The following RASA2 variants were observed in gnomAD, a reference collection of about 807,000 sequenced individuals.
The protein encoded by RASA2 is ras GTPase-activating protein 2.
RASA2 carries 155 observed loss-of-function variants against 118.2 expected under a neutral mutation model. The observed-to-expected ratio is 1.31, with a 90% CI of 1.15 to 1.50. The LOEUF is 1.50. Ranked by LOEUF, RASA2 falls within the 40% of genes most tolerant of loss-of-function variation. The pLI is 0.00. For synonymous variants in RASA2, 353 were observed against 349.1 expected (o/e 1.01, Z -0.12); for missense variants, 1,016 against 1,009.6 (o/e 1.01, Z -0.09).
chr3:141,517,018 C>T (rs1377156893), intron 3 of RASA2, among the ~76,000 whole-genome samples: 5 of 151,800 alleles, frequency 3.3e-5, no homozygotes, highest in Non-Finnish European at 5.9e-5. Flanking sequence ...AATCCACCTG[C>T]CTCGGCCTCC....
At chr3:141,493,973 G>C (rs1263878475) in intron 1 of RASA2, among the ~76,000 whole-genome samples, 1 of 152,124 alleles carries the variant, frequency 6.6e-6, no homozygotes, top group Non-Finnish European at 1.5e-5. Context: ...ATAGCTTGAA[G>C]ATTTTTTCAC....
rs990898661 is a variant in RASA2 at position 141,601,909 on chromosome 3, A to G, written c.1934-5769A>G. Among the ~76,000 whole-genome samples the G allele has an allele frequency of 1.1e-4, 16 of 152,202 alleles. No homozygotes were observed. In the East Asian group the frequency reaches 2.5e-3, roughly 24 times the overall value. On this transcript the variant is annotated intron_variant, in intron 19 of 23. Coordinates refer to ENST00000286364, the MANE Select transcript of RASA2 (RefSeq NM_006506.5). ...AGATCATTTTTACTTAAGTTCACTG[A>G]TTTAGCTCATGTGAATTTTTCATTC...
chr3:141,545,730 G>A (rs1037395416), intron 5 of RASA2, among the ~76,000 whole-genome samples: 2 of 152,012 alleles, frequency 1.3e-5, no homozygotes, highest in African/African-American at 4.8e-5. Context: ...ACAGGCATGA[G>A]CCACCAAGCC....
rs1560011231 is a variant in RASA2 at position 141,529,697 on chromosome 3, A to G, written c.356-11A>G. 1 of 1,589,326 alleles carries G rather than the reference A, an allele frequency of 6.3e-7. No individual in the cohort carries two copies. Among genetic ancestry groups the G allele is most frequent in the Non-Finnish European group, 8.6e-7 (1 of 1,158,832 alleles). The stretch of plus-strand genomic sequence containing the variant: ...CATGTTTTCTTATATTGTTTTACTT[A>G]TTTTCTGTAGGAAAAGTAGCCATCA... On this transcript the variant is annotated splice_polypyrimidine_tract_variant and intron_variant, in intron 3 of 23. Coordinates refer to ENST00000286364, the MANE Select transcript of RASA2 (RefSeq NM_006506.5).
chr3:141,549,752 C>T (rs1033995289), intron 5 of RASA2, among the ~76,000 whole-genome samples: 1 of 152,070 alleles, frequency 6.6e-6, no homozygotes, highest in Non-Finnish European at 1.5e-5. Context: ...ACCTGGACTC[C>T]TTTTTAGCAG....
intron 3 of RASA2, among the ~76,000 whole-genome samples, chr3:141,517,414 G>A (rs1434845256): frequency 1.3e-5 from 2 of 152,144 alleles, no homozygotes; most frequent in African/African-American, 2.4e-5. Flanking sequence ...TGAGTGAAAG[G>A]CAAAGGGGAA....
intron 15 of RASA2, chr3:141,579,363 A>G (rs2083064092): frequency 6.6e-6 from 1 of 152,220 alleles, no homozygotes; most frequent in Admixed American, 6.5e-5. Context: ...TTTTTAAAAA[A>G]ATGAAGGAGC....
At chr3:141,529,834 T>G (rs2082235648) in intron 4 of RASA2, 32 bp downstream of exon 4, 2 of 1,485,084 alleles carry the variant, frequency 1.3e-6, no homozygotes, top group Non-Finnish European at 1.9e-6. Flanking sequence ...ATACAAGAGA[T>G]TGTCACAGGA....
intron 19 of RASA2, among the ~76,000 whole-genome samples, chr3:141,607,213 T>C (rs1036941271): frequency 6.6e-6 from 1 of 152,160 alleles, no homozygotes; most frequent in African/African-American, 2.4e-5. Flanking sequence ...AGAAATATTA[T>C]TTTGAGGGTT....
rs1178759456 is a variant in RASA2 at position 141,614,695 on chromosome 3, G to T, written c.*2382G>T. ...GGTGTGATCTGTTGCTTGTTTCGTT[G>T]TTGTTTTGTTTTTGTGTAGCTTTGT... On this transcript the variant is annotated 3_prime_UTR_variant, in exon 24 of 24. Coordinates refer to ENST00000286364, the MANE Select transcript of RASA2 (RefSeq NM_006506.5). 1 of 152,106 alleles carries T rather than the reference G, an allele frequency of 6.6e-6. No individual in the cohort carries two copies. Among genetic ancestry groups the T allele is most frequent in the African/African-American group, 2.4e-5 (1 of 41,424 alleles). 9.4% of individuals were successfully genotyped at this position (152,106 alleles called of 1,614,324 possible).
chr3:141,534,304 GCAGA>G (rs2082297905), intron 4 of RASA2, among the ~76,000 whole-genome samples: 1 of 152,174 alleles, frequency 6.6e-6, no homozygotes, highest in African/African-American at 2.4e-5. Context: ...AAAGGTTGAG[GCAGA>G]CAGATTGCTT....
intron 11 of RASA2, 87 bp from the exon 12 acceptor site, chr3:141,572,522 C>A: frequency 2.2e-6 from 2 of 911,402 alleles, no homozygotes; most frequent in Non-Finnish European, 1.8e-6. Flanking sequence ...CAGCTAAATG[C>A]TTCTTTCTTA....
At chr3:141,582,899 T>C (rs1316506462) in intron 17 of RASA2, among the ~76,000 whole-genome samples, 1 of 152,224 alleles carries the variant, frequency 6.6e-6, no homozygotes. Context: ...AAGGATAACC[T>C]GGATAGTTCT....
At chr3:141,577,312 G>A (rs1173024657) in intron 15 of RASA2, among the ~76,000 whole-genome samples, 2 of 152,060 alleles carry the variant, frequency 1.3e-5, no homozygotes, top group Non-Finnish European at 2.9e-5. Context: ...TTCTACAAGA[G>A]TAATAAAATG....
intron 1 of RASA2, among the ~76,000 whole-genome samples, chr3:141,490,726 G>A (rs1025267575): frequency 6.6e-6 from 1 of 152,222 alleles, no homozygotes; most frequent in Non-Finnish European, 1.5e-5. Context: ...GTATGGTTAA[G>A]TGCTTGAGCT....
chr3:141,535,350 C>T (rs374214668), intron 4 of RASA2, among the ~76,000 whole-genome samples: 2 of 151,926 alleles, frequency 1.3e-5, no homozygotes, highest in African/African-American at 4.8e-5. Flanking sequence ...CCAAGGTATG[C>T]CTGTAAAAAC....
chr3:141,535,130 C>T (rs370803350), intron 4 of RASA2, among the ~76,000 whole-genome samples: 11 of 152,122 alleles, frequency 7.2e-5, no homozygotes, highest in African/African-American at 2.7e-4. Context: ...ACATCATATG[C>T]TCACCTCATT....
intron 19 of RASA2, among the ~76,000 whole-genome samples, chr3:141,603,315 A>C (rs1560064176): frequency 6.6e-6 from 1 of 152,190 alleles, no homozygotes; most frequent in Non-Finnish European, 1.5e-5. Context: ...TCAGGCCCGT[A>C]ATCCCACTAC....
chr3:141,600,174 G>T (rs770007376), intron 19 of RASA2: 7 of 321,064 alleles, frequency 2.2e-5, no homozygotes, highest in African/African-American at 6.7e-5. Flanking sequence ...CACATGAATC[G>T]GTTTCTTTGC....
Sources: allele counts gnomAD v4.1 joint callset (sites outside exome capture counted in the v4.1 genomes callset), GRCh38; gene constraint gnomAD v4.1.1; transcripts MANE v1.5; gene names NCBI Gene and HGNC (gene_info 2026-07-23, HGNC 2026-07-21).